The following SOHLH1 variants were observed in gnomAD, a reference collection of about 807,000 sequenced individuals.
SOHLH1 encodes spermatogenesis- and oogenesis-specific basic helix-loop-helix-containing protein 1.
A neutral mutation model predicts 36.2 loss-of-function variants in SOHLH1; 23 were observed. That is an observed-to-expected ratio of 0.64 (90% CI 0.46 to 0.90). The LOEUF is 0.90. Ranked by LOEUF, SOHLH1 falls within the 40% of genes least tolerant of loss-of-function variation. SOHLH1 has a pLI of 0.00. For missense variants in SOHLH1, 608 were observed against 517.0 expected, an observed-to-expected ratio of 1.18 and a Z score of -1.71; for synonymous variants, 289 against 228.3, an observed-to-expected ratio of 1.27 and a Z score of -2.40.
rs758879868 is a variant in SOHLH1, at chr9:135,693,748, A to G, written c.1013T>C (p.Val338Ala). The G allele has an allele frequency of 5.7e-6, 9 of 1,577,668 alleles. No homozygotes were observed. Among genetic ancestry groups the G allele is most frequent in the Middle Eastern group, 1.7e-4 (1 of 6,024 alleles). The change falls in exon 8 of 8, where the codon GTT (valine) becomes GCT (alanine). Residue 338 changes from valine to alanine, a missense_variant. By Grantham distance (64) the Val-to-Ala change is moderately conservative. Transcript: ENST00000425225. ...GTCCCCTAGGAAGCCTGGCTCTCCA[A>G]CATCCAGTGGACTGCTCTCAGCTGG... ...WAPAESSPLD[V>A]GEPGFLGDPE...
chr9:135,701,740 G>A (rs1299308001), upstream of SOHLH1, among the ~76,000 whole-genome samples: 1 of 152,166 alleles, frequency 6.6e-6, no homozygotes, highest in Non-Finnish European at 1.5e-5. Context: ...GCGGGGAGTC[G>A]TCTTGAATCT....
intron 5 of SOHLH1, among the ~76,000 whole-genome samples, chr9:135,695,965 C>T (rs759484584): frequency 1.3e-5 from 2 of 152,168 alleles, no homozygotes; most frequent in African/African-American, 2.4e-5. Context: ...TGGGGCGCCC[C>T]GGGGAAAACA....
chr9:135,699,374 A>G (rs757622582), intron 1 of SOHLH1, 29 bp downstream of exon 1: 5 of 1,601,510 alleles, frequency 3.1e-6, no homozygotes, highest in South Asian at 1.1e-5. Context: ...TGGGCCCCCA[A>G]CCCCTTGGCC....
In SOHLH1 at chr9:135,698,845, G is replaced by C. The variant is rs1588235043; in HGVS notation, c.197+150C>G. ...GATGTTCCCCAACAGGGCTTTTCTG[G>C]TTTACTTGGAGATGTGCAGTCTGTC... On this transcript the variant is annotated intron_variant, in intron 2 of 7. Transcript: ENST00000425225. 5 of 1,168,864 alleles carry C rather than the reference G, an allele frequency of 4.3e-6. No individual in the cohort carries two copies. The East Asian group carries it at 9.4e-5, about 22-fold the overall frequency. The allele number at this position is 1,168,864 out of a possible 1,614,324, so 72.4% of individuals were successfully genotyped here.
rs1834807302 is a variant in SOHLH1, at chr9:135,696,556, C to G, written c.661+56G>C. 3.8e-6 allele frequency: 6 copies of G among 1,592,746 alleles called. No homozygotes were observed. In the South Asian group the frequency reaches 4.5e-5, roughly 12 times the overall value. ...CCCCATTGTTCTTAGGGCTAAAGCA[C>G]AGCCTGGCGCCGCTCCCCAGGCCAA... On this transcript the variant is annotated intron_variant, in intron 5 of 7. Coordinates refer to ENST00000425225, the MANE Select transcript of SOHLH1 (RefSeq NM_001101677.2).
rs149577842 is a variant in SOHLH1 at position 135,696,736 on chromosome 9, G to T, written c.537C>A (p.Pro179=). The T allele has an allele frequency of 3.1e-6, 5 of 1,612,944 alleles. No homozygotes were observed. In the East Asian group the frequency reaches 6.7e-5, roughly 22 times the overall value. The change falls in exon 5 of 8, where the codon CCC becomes CCA. Residue 179 remains proline, a synonymous_variant. Coordinates refer to ENST00000425225, the MANE Select transcript of SOHLH1 (RefSeq NM_001101677.2). The part of the protein sequence containing the change: ...SLDPASASPE[P]VPHILASSRQ... ...TGGAGGACGCAAGGATGTGCGGCAC[G>T]GGCTCTGGGCTGGCCGACGCTGGAT...
intron 7 of SOHLH1, chr9:135,694,112 G>A (rs767180843): frequency 4.6e-5 from 65 of 1,428,474 alleles, no homozygotes; most frequent in Non-Finnish European, 5.3e-5. Context: ...CAGGGGCCTC[G>A]CTGACACAGG....
In SOHLH1 at chr9:135,695,154, G is replaced by A. The variant is rs756533182; in HGVS notation, c.771C>T (p.Ser257=). ...FSQQQTLPVM[S]GEALGWLGQA... is the part of the protein sequence containing the mutation. Reference sequence around the variant, plus strand: ...GGCCCAGCCAGCCAAGGGCCTCCCCGCTCATCACGGGCAAGGTCTGCTGCT... The same window carrying A: ...GGCCCAGCCAGCCAAGGGCCTCCCCACTCATCACGGGCAAGGTCTGCTGCT... Residue 257 remains serine, a synonymous_variant, in exon 6 of 8, where the codon AGC becomes AGT. Coordinates refer to ENST00000425225, the MANE Select transcript of SOHLH1 (RefSeq NM_001101677.2). The A allele has an allele frequency of 5.5e-5, 88 of 1,600,882 alleles. No homozygotes were observed. The Admixed American group carries it at 8.9e-4, about 16-fold the overall frequency.
intron 7 of SOHLH1, chr9:135,694,052 C>T: frequency 1.4e-6 from 2 of 1,426,348 alleles, no homozygotes; most frequent in South Asian, 3.1e-5. Flanking sequence ...GGAATGGACA[C>T]ACGCCATGTC....
chr9:135,700,065 T>TGA (rs529282928), upstream of SOHLH1, among the ~76,000 whole-genome samples: 2 of 152,208 alleles, frequency 1.3e-5, no homozygotes, highest in African/African-American at 4.8e-5. Context: ...AGGGGCATCT[T>TGA]GTCCCCACCC....
At chr9:135,694,514 A>T (rs1834714137) in intron 6 of SOHLH1, 57 bp from the exon 7 acceptor site, 1 of 1,599,096 alleles carries the variant, frequency 6.3e-7, no homozygotes, top group Admixed American at 1.7e-5. Context: ...CTTGGAGCTC[A>T]AGGAAACATT....
At chr9:135,697,767 C>A (rs2131294541) in intron 3 of SOHLH1, 140 bp from the exon 4 acceptor site, 1 of 1,037,056 alleles carries the variant, frequency 9.6e-7, no homozygotes, top group Non-Finnish European at 1.4e-6. Context: ...GGCGAGAGTA[C>A]AGGTTGACAA....
rs765706889 is a variant in SOHLH1 at position 135,696,605 on chromosome 9, G to A, written c.661+7C>T. 2 of 1,611,910 alleles carry A rather than the reference G, an allele frequency of 1.2e-6. No individual in the cohort carries two copies. The highest frequency in any genetic ancestry group is 2.2e-5 in the South Asian group (2 of 90,998). On this transcript the variant is annotated splice_region_variant and intron_variant, in intron 5 of 7. Transcript: ENST00000425225. Reference sequence around the variant, plus strand: ...AAAGGCACCCCACATGCACACCCAGGACTCACCTGAGAAAGGGGGCAGCCC... The same window carrying A: ...AAAGGCACCCCACATGCACACCCAGAACTCACCTGAGAAAGGGGGCAGCCC...
At chr9:135,698,921 G>A (rs1289023434) in intron 2 of SOHLH1, 74 bp downstream of exon 2, 4 of 1,604,396 alleles carry the variant, frequency 2.5e-6, no homozygotes, top group Non-Finnish European at 3.4e-6. Flanking sequence ...GACACCTGGT[G>A]GCAGCCCCGA....
In SOHLH1 at chr9:135,698,462, A is replaced by C; in HGVS notation, c.212T>G (p.Leu71Trp). ...CAGGGCCCGCAGACGCTCACAGCTCAACGACATCCGCTTCCTGGTTCCGGT... is the reference window on the plus strand; with the variant it reads ...CAGGGCCCGCAGACGCTCACAGCTCCACGACATCCGCTTCCTGGTTCCGGT... ...SERERRKRMS[L>W]SCERLRALLP... The change falls in exon 3 of 8, where the codon TTG becomes TGG. Residue 71 changes from leucine (L) to tryptophan (W), a missense_variant. Transcript: ENST00000425225. The C allele has an allele frequency of 6.2e-7, 1 of 1,613,140 alleles. No individual in the cohort carries two copies. Among genetic ancestry groups the C allele is most frequent in the Non-Finnish European group, 8.5e-7 (1 of 1,180,010 alleles).
At chr9:135,699,501 G>A (rs1327949304), upstream of SOHLH1, 6 of 1,601,882 alleles carry the variant, frequency 3.7e-6, no homozygotes, top group Admixed American at 1.7e-5. Context: ...CCACGCGCAC[G>A]GCCCCTTCCG....
At chr9:135,699,777 G>C (rs1834971541), upstream of SOHLH1, among the ~76,000 whole-genome samples, 1 of 152,038 alleles carries the variant, frequency 6.6e-6, no homozygotes, top group Non-Finnish European at 1.5e-5. Flanking sequence ...TACCTTCCCG[G>C]GGGTCGCCTC....
chr9:135,694,106 G>A (rs1201795401), intron 7 of SOHLH1: 2 of 1,428,968 alleles, frequency 1.4e-6, no homozygotes, highest in African/African-American at 2.9e-5. Context: ...CTGGACCAGG[G>A]GCCTCGCTGA....
At chr9:135,699,262 C>G in intron 1 of SOHLH1, 136 bp from the exon 2 acceptor site, 2 of 1,497,928 alleles carry the variant, frequency 1.3e-6, no homozygotes, top group Non-Finnish European at 9.1e-7. Flanking sequence ...GCCCGGCCCT[C>G]TCTGCACCCC....
Sources: allele counts gnomAD v4.1 joint callset (sites outside exome capture counted in the v4.1 genomes callset), GRCh38; gene constraint gnomAD v4.1.1; transcripts MANE v1.5; gene names NCBI Gene and HGNC (gene_info 2026-07-23, HGNC 2026-07-21).